The following RREB1 variants were observed in gnomAD, a reference collection of about 807,000 sequenced individuals.
RREB1 encodes the protein ras responsive element binding protein 1.
In RREB1, 27 loss-of-function variants were observed where a neutral mutation model predicts 117.8. The observed-to-expected ratio is 0.23, with a 90% CI of 0.17 to 0.32. The LOEUF (loss-of-function observed/expected upper bound fraction) is 0.32, where lower values mean the gene tolerates loss of function less well. Ranked by LOEUF, RREB1 falls within the 10% of genes least tolerant of loss-of-function variation. The probability of loss-of-function intolerance (pLI) is 1.00; values close to 1 mark genes in which losing one functional copy is unlikely to be tolerated. For synonymous variants in RREB1, 1,298 were observed against 1,026.7 expected (o/e 1.26, Z -5.05); for missense variants, 2,577 against 2,378.2 (o/e 1.08, Z -1.74).
chr6:7,122,261 TTTTTTTC>T (rs936200682), intron 1 of RREB1, among the ~76,000 whole-genome samples: 1 of 152,168 alleles, frequency 6.6e-6, no homozygotes, highest in African/African-American at 2.4e-5. Context: ...TCTCTCTCAT[TTTTTTTC>T]TTTTTTCTTT....
chr6:7,119,981 CT>C (rs1761601110), intron 1 of RREB1, among the ~76,000 whole-genome samples: 2 of 152,004 alleles, frequency 1.3e-5, no homozygotes, highest in Admixed American at 1.3e-4. Flanking sequence ...TGGTCTCTGG[CT>C]TTTGCAGCTG....
chr6:7,237,192 T>C (rs1162189620), intron 10 of RREB1, among the ~76,000 whole-genome samples: 2 of 152,008 alleles, frequency 1.3e-5, no homozygotes, highest in African/African-American at 4.8e-5. Flanking sequence ...TTCAAGCGAT[T>C]CTCCTGCCTC....
chr6:7,181,588 C>T (rs1210249811), intron 3 of RREB1: 1 of 563,712 alleles, frequency 1.8e-6, no homozygotes, highest in African/African-American at 1.9e-5. Flanking sequence ...TCTGCCTAAC[C>T]CAGATTAGGA....
At chr6:7,155,113 C>A (rs1257372469) in intron 1 of RREB1, among the ~76,000 whole-genome samples, 1 of 152,192 alleles carries the variant, frequency 6.6e-6, no homozygotes, top group Non-Finnish European at 1.5e-5. Context: ...ATATTTTCTT[C>A]AGTTAACCTA....
chr6:7,226,328 T>C, intron 8 of RREB1, 139 bp from the exon 9 acceptor site: 1 of 635,538 alleles, frequency 1.6e-6, no homozygotes, highest in East Asian at 3.0e-5. Context: ...CCTGGCTTCT[T>C]GACATCATAT....
chr6:7,153,990 A>T (rs1369128102), intron 1 of RREB1, among the ~76,000 whole-genome samples: 1 of 152,198 alleles, frequency 6.6e-6, no homozygotes, highest in African/African-American at 2.4e-5. Flanking sequence ...TCTGGAAGTG[A>T]TGGCTGGTAC....
intron 1 of RREB1, among the ~76,000 whole-genome samples, chr6:7,165,316 T>C (rs1763876935): frequency 6.6e-6 from 1 of 152,204 alleles, no homozygotes; most frequent in African/African-American, 2.4e-5. Context: ...CTCCTAACAC[T>C]GGATAACAAA....
At chr6:7,173,453 A>G (rs989018231) in intron 1 of RREB1, among the ~76,000 whole-genome samples, 3 of 151,814 alleles carry the variant, frequency 2.0e-5, no homozygotes, top group Non-Finnish European at 2.9e-5. Context: ...AGATCGCGTC[A>G]CTGCACTCCA....
At chr6:7,248,222 A>G (rs561166901) in intron 12 of RREB1, among the ~76,000 whole-genome samples, 2 of 152,310 alleles carry the variant, frequency 1.3e-5, no homozygotes, top group Non-Finnish European at 2.9e-5. Context: ...GCCAGTCTGC[A>G]CATCTCCTGA....
intron 1 of RREB1, among the ~76,000 whole-genome samples, chr6:7,165,806 G>A (rs1271631519): frequency 1.3e-5 from 2 of 151,890 alleles, no homozygotes; most frequent in African/African-American, 4.8e-5. Flanking sequence ...TGAAGGAAGA[G>A]ACTGTCCTGC....
intron 6 of RREB1, among the ~76,000 whole-genome samples, chr6:7,194,363 A>G (rs1765566609): frequency 6.6e-6 from 1 of 152,194 alleles, no homozygotes; most frequent in Non-Finnish European, 1.5e-5. Flanking sequence ...CAGCCTGGCC[A>G]ACATAACAAT....
At chr6:7,243,517 G>A (rs750353676) in intron 11 of RREB1, among the ~76,000 whole-genome samples, 4 of 152,216 alleles carry the variant, frequency 2.6e-5, no homozygotes, top group African/African-American at 9.6e-5. Context: ...TGTTGAGGGC[G>A]GGGATTTATA....
chr6:7,173,783 GAAAA>G (rs1232579440), intron 1 of RREB1, among the ~76,000 whole-genome samples: 1 of 139,892 alleles, frequency 7.1e-6, no homozygotes, highest in African/African-American at 2.6e-5. Context: ...CTTGGCGACA[GAAAA>G]AAAAAAAGGG....
chr6:7,158,533 C>T (rs938705849), intron 1 of RREB1, among the ~76,000 whole-genome samples: 2 of 152,178 alleles, frequency 1.3e-5, no homozygotes, highest in African/African-American at 4.8e-5. Flanking sequence ...TGTGGTACTT[C>T]CTGGGTATCA....
At chr6:7,158,298 C>G (rs1763480081) in intron 1 of RREB1, among the ~76,000 whole-genome samples, 1 of 152,094 alleles carries the variant, frequency 6.6e-6, no homozygotes, top group Non-Finnish European at 1.5e-5. Context: ...AACTTTCCCT[C>G]CCTATTCCCT....
chr6:7,141,276 C>A (rs563822130), intron 1 of RREB1, among the ~76,000 whole-genome samples: 1 of 152,164 alleles, frequency 6.6e-6, no homozygotes, highest in Non-Finnish European at 1.5e-5. Flanking sequence ...CTGGCGTTCC[C>A]CCGTGAGTAG....
At chr6:7,166,530 G>A (rs984785162) in intron 1 of RREB1, among the ~76,000 whole-genome samples, 7 of 152,180 alleles carry the variant, frequency 4.6e-5, no homozygotes, top group South Asian at 2.1e-4. Context: ...TCACTTCACC[G>A]CACACAGTCA....
intron 1 of RREB1, among the ~76,000 whole-genome samples, chr6:7,146,808 G>A (rs1762885831): frequency 6.6e-6 from 1 of 151,114 alleles, no homozygotes; most frequent in African/African-American, 2.4e-5. Flanking sequence ...GGGAGGGAGA[G>A]GAAAAGGAGC....
chr6:7,145,961 G>A (rs1762833740), intron 1 of RREB1, among the ~76,000 whole-genome samples: 1 of 97,530 alleles, frequency 1.0e-5, no homozygotes, highest in Admixed American at 8.7e-5. Context: ...TAAAGCCAGT[G>A]CCTTCCTCTC....
Sources: allele counts gnomAD v4.1 joint callset (sites outside exome capture counted in the v4.1 genomes callset), GRCh38; gene constraint gnomAD v4.1.1; transcripts MANE v1.5; gene names NCBI Gene and HGNC (gene_info 2026-07-23, HGNC 2026-07-21).